Variants in CDHR2 observed in about 807,000 individuals in gnomAD.
CDHR2 encodes cadherin related family member 2.
In CDHR2, 104 loss-of-function variants were observed where a neutral mutation model predicts 138.6. The ratio of observed to expected loss-of-function variants is 0.75; its 90% CI spans 0.64 to 0.88. The LOEUF (loss-of-function observed/expected upper bound fraction) is 0.88. Ranked by LOEUF, CDHR2 falls within the 40% of genes least tolerant of loss-of-function variation. The pLI, the probability that CDHR2 is intolerant of heterozygous loss-of-function variation, is 0.00. For missense variants in CDHR2, 1,624 were observed against 1,727.6 expected (o/e 0.94, Z 1.06); for synonymous variants, 755 against 742.8 (o/e 1.02, Z -0.27).
Position 176,584,741 on chromosome 5 carries a change from G to T in CDHR2, c.2460G>T (p.Glu820Asp). 1.2e-6 allele frequency: 2 copies of T among 1,614,230 alleles called. No individual in the cohort carries two copies. Among genetic ancestry groups the T allele is most frequent in the Non-Finnish European group, 1.7e-6 (2 of 1,180,040 alleles). The change falls in exon 19 of 32, where the codon GAG becomes GAT. Residue 820 changes from glutamate (E) to aspartate (D), a missense_variant. By Grantham distance (45) the Glu-to-Asp change is conservative. This residue lies in a region of CDHR2 where 1,061 missense variants were observed against 1,136.6 expected (regional missense o/e 0.93). Transcript: ENST00000261944. ...CACTCCGGGGCATCCGTGTGGCTGAGAATGGCTCACAGCACGGCCAGGTGG... is the reference window on the plus strand; with the variant it reads ...CACTCCGGGGCATCCGTGTGGCTGATAATGGCTCACAGCACGGCCAGGTGG... ...VASLRGIRVA[E>D]NGSQHGQVAV... is the part of the protein sequence containing the mutation.
chr5:176,544,678 T>C (rs994630087), upstream of CDHR2, among the ~76,000 whole-genome samples: 10 of 152,216 alleles, frequency 6.6e-5, no homozygotes, highest in African/African-American at 2.4e-4. Flanking sequence ...GACATGGTGA[T>C]CCGCCCGCCT....
intron 24 of CDHR2, 136 bp downstream of exon 24, chr5:176,589,752 T>C: frequency 1.3e-6 from 1 of 760,548 alleles, no homozygotes; most frequent in Middle Eastern, 3.2e-4. Context: ...TTCAACCCTG[T>C]ACTTTCACCT....
chr5:176,551,788 G>A (rs1168048657), intron 1 of CDHR2, among the ~76,000 whole-genome samples: 3 of 141,546 alleles, frequency 2.1e-5, no homozygotes, highest in Admixed American at 7.6e-5. Flanking sequence ...TGCAAGCTCC[G>A]CTTCCCGGGT....
At position 176,581,367 on chromosome 5, in the gene CDHR2, A is replaced by G; in HGVS notation, c.1843A>G (p.Thr615Ala). The part of the protein sequence containing the change: ...IQAHDNDEPG[T>A]NNSRLLFNLL... ...GGCCCACGACAATGATGAGCCGGGC[A>G]CCAACAACAGCCGTCTGCTCTTCAA... Residue 615 changes from threonine to alanine, a missense_variant, in exon 17 of 32, where the codon ACC becomes GCC. This residue lies in a region of CDHR2 where 1,061 missense variants were observed against 1,136.6 expected (regional missense o/e 0.93). Transcript: ENST00000261944. The G allele has an allele frequency of 6.2e-7, 1 of 1,613,844 alleles. No homozygotes were observed. The highest frequency in any genetic ancestry group is 8.5e-7 in the Non-Finnish European group (1 of 1,180,026).
Position 176,575,502 on chromosome 5 carries a change from C to T in CDHR2, c.769-4C>T. The T allele has an allele frequency of 1.9e-6, 3 of 1,614,174 alleles. No individual in the cohort carries two copies. The highest frequency in any genetic ancestry group is 2.5e-6 in the Non-Finnish European group (3 of 1,180,022). On this transcript the variant is annotated splice_polypyrimidine_tract_variant and splice_region_variant and intron_variant, in intron 9 of 31. Coordinates refer to ENST00000261944, the MANE Select transcript of CDHR2 (RefSeq NM_017675.6). Reference sequence around the variant, plus strand: ...TGAGGAGCACTGACCAGGCCCCATTCCAGGGAACCTCGGTGCTGACGGTGG... The same window carrying T: ...TGAGGAGCACTGACCAGGCCCCATTTCAGGGAACCTCGGTGCTGACGGTGG...
At chr5:176,567,922 C>G (rs1220593563) in intron 3 of CDHR2, among the ~76,000 whole-genome samples, 1 of 152,270 alleles carries the variant, frequency 6.6e-6, no homozygotes, top group African/African-American at 2.4e-5. Context: ...AACCACCATA[C>G]CTGGCCTTCT....
rs1758426420 is a variant in CDHR2, at chr5:176,577,717, G to A, written c.1431G>A (p.Arg477=). The change falls in exon 14 of 32, where the codon AGG becomes AGA. Residue 477 remains arginine, a synonymous_variant. Transcript: ENST00000261944. ...ACCTTAGAGACATTAATGACCACAGGCCCACGTTTCCCCAGAGCTTGTACG... is the reference window on the plus strand; with the variant it reads ...ACCTTAGAGACATTAATGACCACAGACCCACGTTTCCCCAGAGCTTGTACG... ...TIHLRDINDH[R]PTFPQSLYVL... 1 of 1,614,190 alleles carries A rather than the reference G, an allele frequency of 6.2e-7. No individual in the cohort carries two copies.
chr5:176,579,618 C>A (rs932266796), intron 16 of CDHR2, among the ~76,000 whole-genome samples: 1 of 152,152 alleles, frequency 6.6e-6, no homozygotes, highest in African/African-American at 2.4e-5. Flanking sequence ...AAAGGATGAG[C>A]AGACAGGATG....
Position 176,577,564 on chromosome 5 carries a change from G to A in CDHR2, c.1350+10G>A. ...GGCGATGGCGGTGCAGGTGAGGGCT[G>A]CTCCGGGGTGCCAGGGGCAGAAGCC... On this transcript the variant is annotated intron_variant, in intron 13 of 31. Coordinates refer to ENST00000261944, the MANE Select transcript of CDHR2 (RefSeq NM_017675.6). 1 of 1,613,704 alleles carries A rather than the reference G, an allele frequency of 6.2e-7. No homozygotes were observed. The highest frequency in any genetic ancestry group is 8.5e-7 in the Non-Finnish European group (1 of 1,179,784).
chr5:176,560,168 G>A (rs111435990), intron 1 of CDHR2, among the ~76,000 whole-genome samples: 12,376 of 152,190 alleles, frequency 0.081, 613 homozygotes, highest in South Asian at 0.16. Flanking sequence ...AGACCGAGGC[G>A]GGCAGATTGC....
At chr5:176,560,051 C>T (rs1757930532) in intron 1 of CDHR2, among the ~76,000 whole-genome samples, 1 of 152,310 alleles carries the variant, frequency 6.6e-6, no homozygotes, top group Non-Finnish European at 1.5e-5. Context: ...AGGGAAGTCT[C>T]TCCCTAACCA....
chr5:176,558,795 C>T (rs372583892), intron 1 of CDHR2, among the ~76,000 whole-genome samples: 19 of 152,336 alleles, frequency 1.2e-4, no homozygotes, highest in African/African-American at 2.6e-4. Flanking sequence ...GCTGGGATTA[C>T]GGGCGTGAGC....
intron 5 of CDHR2, 101 bp from the exon 6 acceptor site, chr5:176,571,112 T>C: frequency 1.5e-6 from 1 of 670,738 alleles, no homozygotes; most frequent in Non-Finnish European, 2.7e-6. Flanking sequence ...AAACAGTAGG[T>C]TGATCTGGAT....
rs372482755 is a variant in CDHR2 at position 176,569,025 on chromosome 5, G to A, written c.315+15G>A. 12 of 1,613,816 alleles carry A rather than the reference G, an allele frequency of 7.4e-6. No individual in the cohort carries two copies. Among genetic ancestry groups the A allele is most frequent in the East Asian group, 2.2e-5 (1 of 44,878 alleles). On this transcript the variant is annotated intron_variant, in intron 5 of 31. Transcript: ENST00000261944. ...CCTACATCCAGGTGAGTTGGGAGGTGCAGGGGGGTAGACAGGGATTGCGAG... is the reference window on the plus strand; with the variant it reads ...CCTACATCCAGGTGAGTTGGGAGGTACAGGGGGGTAGACAGGGATTGCGAG...
chr5:176,571,301 A>T lies in CDHR2; in HGVS notation c.404A>T (p.Glu135Val). 6.2e-7 allele frequency: 1 copy of T among 1,604,296 alleles called. No individual in the cohort carries two copies. The change falls in exon 6 of 32, where the codon GAG becomes GTG. Residue 135 changes from glutamate to valine, a missense_variant and splice_region_variant. Physicochemically the swap from Glu to Val is moderately radical, Grantham distance 121. Around this residue, in one of 3 missense-constraint regions of CDHR2, gnomAD observed 1,061 missense variants for 1,136.6 expected, o/e 0.93. Coordinates refer to ENST00000261944, the MANE Select transcript of CDHR2 (RefSeq NM_017675.6). ...QNTAFSTSIN[E>V]TLPVGSVVFS... ...ACCGCTTTCTCCACCAGCATCAACG[A>T]GGTGACACCTGCCTTAATGTGGTTG... is the stretch of plus-strand genomic sequence containing the variant.
At chr5:176,561,767 G>A (rs1263123469) in intron 1 of CDHR2, among the ~76,000 whole-genome samples, 1 of 151,778 alleles carries the variant, frequency 6.6e-6, no homozygotes, top group East Asian at 1.9e-4. Flanking sequence ...AGTCTCCTGA[G>A]TAGCTGGGAC....
At chr5:176,593,164 C>T (rs984646966) in intron 31 of CDHR2, among the ~76,000 whole-genome samples, 11 of 152,186 alleles carry the variant, frequency 7.2e-5, no homozygotes, top group Non-Finnish European at 1.2e-4. Context: ...AAAGCAGATC[C>T]AGAGGTGAAC....
rs771608206 is a variant in CDHR2 at position 176,577,520 on chromosome 5, T to C, written c.1316T>C (p.Val439Ala). The change falls in exon 13 of 32, where the codon GTG becomes GCG. Residue 439 changes from valine (V) to alanine (A), a missense_variant. This residue lies in a region of CDHR2 where 1,061 missense variants were observed against 1,136.6 expected (regional missense o/e 0.93). Transcript: ENST00000261944. ...GTGCTGGTGAGAGTATCCGCGCTGG[T>C]GGACTACGAGAGGCAGACGGCGATG... ...VQVLVRVSALVDYERQTAMAV... is the reference protein window; with the variant it reads ...VQVLVRVSALADYERQTAMAV... The C allele has an allele frequency of 6.2e-7, 1 of 1,613,418 alleles. No individual in the cohort carries two copies. Among genetic ancestry groups the C allele is most frequent in the Non-Finnish European group, 8.5e-7 (1 of 1,179,822 alleles).
At chr5:176,555,933 C>G (rs1757811652) in intron 1 of CDHR2, among the ~76,000 whole-genome samples, 3 of 152,106 alleles carry the variant, frequency 2.0e-5, no homozygotes, top group Non-Finnish European at 4.4e-5. Context: ...TCTGAAATGA[C>G]CTACTGTTTT....
Sources: gnomAD v4.1 joint callset for allele counts (sites outside exome capture counted in the v4.1 genomes callset) on GRCh38, gnomAD v4.1.1 for gene constraint, gnomAD v4.1.1 regional missense constraint, MANE v1.5 for transcripts, NCBI Gene and HGNC (gene_info 2026-07-23, HGNC 2026-07-21) for gene names.